Variants in RASA3 observed in about 807,000 individuals in gnomAD.
RASA3 encodes ras GTPase-activating protein 3.
RASA3 carries 73 observed loss-of-function variants against 110.0 expected under a neutral mutation model. That is an observed-to-expected ratio of 0.66 (90% CI 0.55 to 0.81). The LOEUF (loss-of-function observed/expected upper bound fraction) is 0.81, where lower values mean the gene tolerates loss of function less well. Ranked by LOEUF, RASA3 falls within the 30% of genes least tolerant of loss-of-function variation. The pLI, the probability that RASA3 is intolerant of heterozygous loss-of-function variation, is 0.00. For synonymous variants in RASA3, 500 were observed against 451.4 expected (o/e 1.11, Z -1.37); for missense variants, 976 against 1,113.2 (o/e 0.88, Z 1.75).
At chr13:114,122,224 A>C (rs2080388427) in intron 1 of RASA3, among the ~76,000 whole-genome samples, 1 of 152,168 alleles carries the variant, frequency 6.6e-6, no homozygotes, top group Non-Finnish European at 1.5e-5. Context: ...GCTTCCTGAG[A>C]AGGCTGAGCT....
chr13:114,077,193 C>T (rs1430916702), intron 1 of RASA3, among the ~76,000 whole-genome samples: 1 of 152,188 alleles, frequency 6.6e-6, no homozygotes, highest in African/African-American at 2.4e-5. Context: ...AGGACGGAAA[C>T]ACACAAGCTT....
At chr13:114,078,054 A>C in intron 1 of RASA3, 1 of 948,746 alleles carries the variant, frequency 1.1e-6, no homozygotes, top group Non-Finnish European at 1.3e-6. Context: ...AACACCAGGG[A>C]GCCTGCTGGA....
intron 2 of RASA3, among the ~76,000 whole-genome samples, chr13:114,063,074 G>T (rs1373426782): frequency 4.6e-5 from 7 of 152,202 alleles, no homozygotes; most frequent in Non-Finnish European, 1.0e-4. Context: ...TCTAAAATTG[G>T]CTGTGGCAAT....
chr13:114,109,802 G>GCAGGC (rs2080192100), intron 1 of RASA3, among the ~76,000 whole-genome samples: 1 of 152,122 alleles, frequency 6.6e-6, no homozygotes, highest in Admixed American at 6.5e-5. Flanking sequence ...GCTGGCGCAG[G>GCAGGC]GCCACGAGGC....
Position 114,065,204 on chromosome 13 carries a change from C to T in RASA3, c.173+8516G>A, listed in dbSNP as rs1566544038. Among the ~76,000 whole-genome samples, 2 of 152,226 alleles carry T rather than the reference C, an allele frequency of 1.3e-5. No individual in the cohort carries two copies. The highest frequency in any genetic ancestry group is 2.9e-5 in the Non-Finnish European group (2 of 68,040). ...GCAGAGAAACCCCCGCCTTCTCCTC[C>T]CTGAGTCACTTCCCAGCATCTGCGC... On this transcript the variant is annotated intron_variant, in intron 2 of 23. Coordinates refer to ENST00000334062, the MANE Select transcript of RASA3 (RefSeq NM_007368.4). The surrounding 1 kb of genome is among the most constrained non-coding windows in gnomAD (Gnocchi z 4.1).
chr13:114,000,951 G>A lies in RASA3; in HGVS notation c.1743-19C>T. On this transcript the variant is annotated intron_variant, in intron 18 of 23. Transcript: ENST00000334062. ...CATGAACCTGTGTGAAGAGCACACA[G>A]GGCCGGGGTCCGGGCCTCAGCTGCC... The A allele has an allele frequency of 6.3e-7, 1 of 1,576,036 alleles. No individual in the cohort carries two copies. Among genetic ancestry groups the A allele is most frequent in the Non-Finnish European group, 8.7e-7 (1 of 1,145,726 alleles).
At chr13:113,994,909 G>T (rs2053197319) in intron 21 of RASA3, among the ~76,000 whole-genome samples, 1 of 152,228 alleles carries the variant, frequency 6.6e-6, no homozygotes, top group South Asian at 2.1e-4. Context: ...AGGAGGTCGA[G>T]GCTGCAGTGA....
At chr13:114,049,785 C>T (rs1388122266) in intron 3 of RASA3, among the ~76,000 whole-genome samples, 1 of 152,254 alleles carries the variant, frequency 6.6e-6, no homozygotes, top group Non-Finnish European at 1.5e-5. Flanking sequence ...GGGCTGAGAA[C>T]ACAGGAGCGA....
At chr13:114,004,835 C>T (rs1253759082) in intron 18 of RASA3, among the ~76,000 whole-genome samples, 3 of 152,182 alleles carry the variant, frequency 2.0e-5, no homozygotes, top group Admixed American at 6.5e-5. Context: ...ACGTTTACCG[C>T]TGAACCACTC....
intron 1 of RASA3, among the ~76,000 whole-genome samples, chr13:114,098,394 G>A (rs927840894): frequency 2.0e-5 from 3 of 152,120 alleles, no homozygotes; most frequent in Non-Finnish European, 4.4e-5. Flanking sequence ...TCACACCAGC[G>A]ACATCCAGGG....
chr13:114,002,281 G>A (rs1391865056), intron 18 of RASA3, among the ~76,000 whole-genome samples: 2 of 152,246 alleles, frequency 1.3e-5, no homozygotes, highest in Non-Finnish European at 2.9e-5. Context: ...AGAGAGCTGT[G>A]GACGCACACC....
chr13:114,098,772 G>A (rs1194726606), intron 1 of RASA3, among the ~76,000 whole-genome samples: 1 of 152,102 alleles, frequency 6.6e-6, no homozygotes, highest in Non-Finnish European at 1.5e-5. Flanking sequence ...AAGGGCGGGA[G>A]AAAGACCTCA....
intron 1 of RASA3, among the ~76,000 whole-genome samples, chr13:114,098,985 C>T (rs563892395): frequency 7.2e-4 from 97 of 134,032 alleles, no homozygotes; most frequent in South Asian, 4.6e-3. Flanking sequence ...CCACAGCAGT[C>T]GGGGCCCGGC....
At chr13:114,128,264 A>G (rs190728128) in intron 1 of RASA3, among the ~76,000 whole-genome samples, 26 of 152,348 alleles carry the variant, frequency 1.7e-4, no homozygotes, top group African/African-American at 5.3e-4. Flanking sequence ...CACCTTCACA[A>G]AACACTTCTC....
At chr13:114,097,096 A>C (rs1299932705) in intron 1 of RASA3, among the ~76,000 whole-genome samples, 1 of 152,164 alleles carries the variant, frequency 6.6e-6, no homozygotes, top group Non-Finnish European at 1.5e-5. Flanking sequence ...TCCACCAGGC[A>C]CAGCAGCTAT....
chr13:114,053,060 CACT>C, intron 2 of RASA3, among the ~76,000 whole-genome samples: 4 of 145,448 alleles, frequency 2.8e-5, no homozygotes, highest in Non-Finnish European at 6.1e-5. Flanking sequence ...AAGAGACCCC[CACT>C]GCTGACTGTG....
intron 20 of RASA3, among the ~76,000 whole-genome samples, chr13:113,998,206 G>A (rs1213484041): frequency 2.6e-5 from 4 of 152,142 alleles, no homozygotes; most frequent in African/African-American, 4.8e-5. Context: ...GCCAGGTTCC[G>A]GCCATCCCCC....
intron 4 of RASA3, among the ~76,000 whole-genome samples, chr13:114,038,935 T>C (rs977325809): frequency 1.3e-5 from 2 of 152,238 alleles, no homozygotes; most frequent in African/African-American, 4.8e-5. Flanking sequence ...TTTGGGGATT[T>C]GTCCAGGATG....
intron 4 of RASA3, among the ~76,000 whole-genome samples, chr13:114,036,911 G>A (rs539406368): frequency 6.6e-6 from 1 of 152,336 alleles, no homozygotes; most frequent in South Asian, 2.1e-4. Context: ...TTTGGGCGGC[G>A]TTGGGGCTGA....
Sources: allele counts gnomAD v4.1 joint callset (sites outside exome capture counted in the v4.1 genomes callset), GRCh38; gene constraint gnomAD v4.1.1; non-coding constraint Gnocchi (gnomAD v3.1); transcripts MANE v1.5; gene names NCBI Gene and HGNC (gene_info 2026-07-23, HGNC 2026-07-21).